Variants in FKTN observed in about 807,000 individuals in gnomAD.
FKTN encodes fukutin.
In FKTN, 47 loss-of-function variants were observed where a neutral mutation model predicts 58.6. That is an observed-to-expected ratio of 0.80 (90% CI 0.63 to 1.02). The LOEUF is 1.02. Ranked by LOEUF, FKTN falls within the 50% of genes least tolerant of loss-of-function variation. The pLI is 0.00. For missense variants in FKTN, 516 were observed against 537.3 expected (o/e 0.96, Z 0.39); for synonymous variants, 178 against 191.9 (o/e 0.93, Z 0.60).
chr9:105,607,928 A>G lies in FKTN; in HGVS notation c.757A>G (p.Lys253Glu), dbSNP rs886044467. 6.2e-7 allele frequency: 1 copy of G among 1,612,264 alleles called. No homozygotes were observed. Among genetic ancestry groups the G allele is most frequent in the Admixed American group, 1.7e-5 (1 of 59,978 alleles). ...CTCTAGGTTTATTGAGTGTAGGTAT[A>G]AAGAAGCTCGAGCATTCTTTCAGGT... ...PHSRFIECRY[K>E]EARAFFQQYL... Residue 253 changes from lysine (K) to glutamate (E), a missense_variant, in exon 7 of 11, where the codon AAA becomes GAA. Transcript: ENST00000357998.
intron 1 of FKTN, among the ~76,000 whole-genome samples, chr9:105,571,429 T>C (rs1840715906): frequency 6.6e-6 from 1 of 152,238 alleles, no homozygotes; most frequent in Admixed American, 6.5e-5. Context: ...TTGGCATTTA[T>C]AGAAAATAAA....
At chr9:105,589,409 C>T (rs1305959755) in intron 3 of FKTN, among the ~76,000 whole-genome samples, 1 of 151,274 alleles carries the variant, frequency 6.6e-6, no homozygotes, top group African/African-American at 2.4e-5. Flanking sequence ...AGCTGAGGCA[C>T]GAGAATCGCT....
chr9:105,566,130 T>G (rs1213510902), intron 1 of FKTN, among the ~76,000 whole-genome samples: 1 of 152,132 alleles, frequency 6.6e-6, no homozygotes, highest in African/African-American at 2.4e-5. Context: ...TACCAGAATC[T>G]CTGGGACATG....
intron 1 of FKTN, among the ~76,000 whole-genome samples, chr9:105,566,700 G>A (rs942253053): frequency 2.7e-4 from 41 of 152,116 alleles, no homozygotes; most frequent in East Asian, 7.7e-4. Context: ...ATTCACAGCC[G>A]AATTCTACCA....
At chr9:105,563,950 G>A (rs1029104143) in intron 1 of FKTN, among the ~76,000 whole-genome samples, 7 of 152,172 alleles carry the variant, frequency 4.6e-5, no homozygotes, top group Non-Finnish European at 8.8e-5. Context: ...CCTCTGAGAC[G>A]AAACTTCCAG....
chr9:105,581,513 A>T (rs1842903812), intron 3 of FKTN, among the ~76,000 whole-genome samples: 3 of 151,210 alleles, frequency 2.0e-5, no homozygotes, highest in East Asian at 1.9e-4. Context: ...TTGAGGAGGC[A>T]GTCTGCCGGT....
intron 10 of FKTN, among the ~76,000 whole-genome samples, chr9:105,623,932 A>G (rs1053740652): frequency 7.2e-5 from 11 of 152,218 alleles, no homozygotes; most frequent in African/African-American, 2.7e-4. Flanking sequence ...TCCTAAAAAT[A>G]GATTTATTTA....
intron 3 of FKTN, among the ~76,000 whole-genome samples, chr9:105,577,293 T>C (rs1419578856): frequency 7.2e-6 from 1 of 138,066 alleles, no homozygotes; most frequent in Non-Finnish European, 1.6e-5. Context: ...AGGGTTTTTA[T>C]GGTTTTAGGT....
In FKTN at chr9:105,635,581, C is replaced by T; in HGVS notation, c.*317C>T. 8.2e-7 allele frequency: 1 copy of T among 1,219,660 alleles called. No homozygotes were observed. Among genetic ancestry groups the T allele is most frequent in the South Asian group, 1.7e-5 (1 of 57,574 alleles). 75.6% of individuals were successfully genotyped at this position (1,219,660 alleles called of 1,614,324 possible). A position where few individuals can be genotyped will look rare whatever the true frequency, so the allele number is the denominator to read the frequency against. On this transcript the variant is annotated 3_prime_UTR_variant, in exon 11 of 11. Transcript: ENST00000357998. ...CCCCACCCTTTGAAGAGTTCAAGTT[C>T]TGTACAGGTTTTTAAAACGTGAAGT...
intron 1 of FKTN, among the ~76,000 whole-genome samples, chr9:105,567,345 A>G (rs147667630): frequency 0.021 from 3,221 of 152,326 alleles, 51 homozygotes; most frequent in Admixed American, 0.038. Flanking sequence ...TTAGGAAAAG[A>G]GGAAGTCAAA....
intron 10 of FKTN, among the ~76,000 whole-genome samples, chr9:105,631,462 C>CTT (rs1833434602): frequency 6.6e-6 from 1 of 152,022 alleles, no homozygotes; most frequent in Non-Finnish European, 1.5e-5. Context: ...TTTAAAAAAG[C>CTT]CAGGTTCGGG....
chr9:105,629,238 A>G (rs1833107389), intron 10 of FKTN, among the ~76,000 whole-genome samples: 1 of 152,174 alleles, frequency 6.6e-6, no homozygotes, highest in Admixed American at 6.5e-5. Flanking sequence ...TTAAAAAGAT[A>G]AAAAACAGTT....
At chr9:105,614,457 T>C (rs1233008188) in intron 7 of FKTN, among the ~76,000 whole-genome samples, 2 of 152,166 alleles carry the variant, frequency 1.3e-5, no homozygotes, top group Non-Finnish European at 2.9e-5. Flanking sequence ...TGCACTTTCC[T>C]CATAGAAAGT....
At chr9:105,586,479 A>G (rs1355497869) in intron 3 of FKTN, among the ~76,000 whole-genome samples, 1 of 152,222 alleles carries the variant, frequency 6.6e-6, no homozygotes, top group Non-Finnish European at 1.5e-5. Flanking sequence ...ACAGGATAGT[A>G]TGATAATTGT....
intron 1 of FKTN, among the ~76,000 whole-genome samples, chr9:105,569,868 C>G (rs370652021): frequency 1.1e-4 from 16 of 152,206 alleles, no homozygotes; most frequent in African/African-American, 2.6e-4. Flanking sequence ...CTCTGCAATA[C>G]TTTTTCTTTT....
intron 8 of FKTN, among the ~76,000 whole-genome samples, chr9:105,616,269 T>C (rs549871360): frequency 6.6e-6 from 1 of 152,352 alleles, no homozygotes; most frequent in South Asian, 2.1e-4. Flanking sequence ...AAGATTGTTA[T>C]TGCCTTTTTT....
At position 105,638,406 on chromosome 9, in the gene FKTN, C is replaced by A; in HGVS notation, c.*3142C>A. On this transcript the variant is annotated 3_prime_UTR_variant, in exon 11 of 11. Coordinates refer to ENST00000357998, the MANE Select transcript of FKTN (RefSeq NM_001079802.2). Reference sequence around the variant, plus strand: ...CCTTCATACCTTTATCTGGAAAATGCCTTCTCTCCAGACAATAAGACAGTT... The same window carrying A: ...CCTTCATACCTTTATCTGGAAAATGACTTCTCTCCAGACAATAAGACAGTT... 1.0e-6 allele frequency: 1 copy of A among 985,344 alleles called. No individual in the cohort carries two copies. The highest frequency in any genetic ancestry group is 1.2e-6 in the Non-Finnish European group (1 of 829,888). 61.0% of individuals were successfully genotyped at this position (985,344 alleles called of 1,614,324 possible).
At position 105,638,696 on chromosome 9, in the gene FKTN, T is replaced by TA. The variant is rs1834220751; in HGVS notation, c.*3433dup. On this transcript the variant is annotated 3_prime_UTR_variant, in exon 11 of 11. Coordinates refer to ENST00000357998, the MANE Select transcript of FKTN (RefSeq NM_001079802.2). Reference sequence around the variant, plus strand: ...TTTGCAGTTTTCAAGATTTTTTTTTTATCTGCTTGGCTGGAAAGGAGACTA... The same window carrying TA: ...TTTGCAGTTTTCAAGATTTTTTTTTTAATCTGCTTGGCTGGAAAGGAGACTA... 1 of 984,754 alleles carries TA rather than the reference T, an allele frequency of 1.0e-6. No individual in the cohort carries two copies. Among genetic ancestry groups the TA allele is most frequent in the Non-Finnish European group, 1.2e-6 (1 of 829,362 alleles). The allele number at this position is 984,754 out of a possible 1,614,324, so 61.0% of individuals were successfully genotyped here. A position where few individuals can be genotyped will look rare whatever the true frequency, so the allele number is the denominator to read the frequency against.
intron 3 of FKTN, among the ~76,000 whole-genome samples, chr9:105,576,445 A>C (rs1435649168): frequency 4.0e-5 from 6 of 151,400 alleles, no homozygotes; most frequent in Non-Finnish European, 5.9e-5. Context: ...ACGATAGTTT[A>C]CTGAGAATGA....
Sources: allele counts gnomAD v4.1 joint callset (sites outside exome capture counted in the v4.1 genomes callset), GRCh38; gene constraint gnomAD v4.1.1; transcripts MANE v1.5; gene names NCBI Gene and HGNC (gene_info 2026-07-23, HGNC 2026-07-21).